USH2A: variants seen among roughly 807,000 people sequenced by gnomAD.
USH2A encodes usherin, also known as Usher syndrome 2A (autosomal recessive, mild).
In USH2A, 443 loss-of-function variants were observed where a neutral mutation model predicts 538.9. The ratio of observed to expected loss-of-function variants is 0.82; its 90% confidence interval spans 0.76 to 0.89. USH2A has a LOEUF of 0.89. USH2A is among the 40% of genes least tolerant of loss of function. USH2A has a pLI of 0.00. For synonymous variants in USH2A, 2,413 were observed against 2,273.5 expected, an observed-to-expected ratio of 1.06 and a Z score of -1.75; for missense variants, 6,633 against 6,324.8, an observed-to-expected ratio of 1.05 and a Z score of -1.65.
intron 69 of USH2A, among the ~76,000 whole-genome samples, chr1:215,635,291 A>G (rs1196756354): frequency 2.6e-5 from 4 of 152,194 alleles, no homozygotes; most frequent in Admixed American, 2.6e-4. Context: ...CCTCTCTGTT[A>G]AAGAGCAAAG....
chr1:215,745,461 C>T (rs960638316), intron 58 of USH2A, among the ~76,000 whole-genome samples: 15 of 152,222 alleles, frequency 9.9e-5, no homozygotes, highest in Admixed American at 8.5e-4. Context: ...CCAGGCAACA[C>T]GCATTATCCC....
At chr1:215,688,389 A>C (rs972725110) in intron 61 of USH2A, among the ~76,000 whole-genome samples, 18 of 152,144 alleles carry the variant, frequency 1.2e-4, no homozygotes, top group African/African-American at 3.9e-4. Flanking sequence ...ATTTCAGTGG[A>C]AAACTATCGA....
chr1:215,788,617 T>C (rs1476896945), intron 51 of USH2A, among the ~76,000 whole-genome samples: 3 of 152,068 alleles, frequency 2.0e-5, no homozygotes, highest in South Asian at 2.1e-4. Context: ...TTCATTGTCA[T>C]GAAATTTTAG....
At chr1:216,026,187 C>A (rs1668960154) in intron 32 of USH2A, among the ~76,000 whole-genome samples, 1 of 152,082 alleles carries the variant, frequency 6.6e-6, no homozygotes, top group South Asian at 2.1e-4. Flanking sequence ...TTGTTTAGGT[C>A]GTGTGCCATT....
intron 43 of USH2A, among the ~76,000 whole-genome samples, chr1:215,870,600 G>A (rs942179316): frequency 6.6e-6 from 1 of 151,768 alleles, no homozygotes; most frequent in African/African-American, 2.4e-5. Flanking sequence ...CCTGGCCGAG[G>A]AAACAAGATC....
At chr1:216,327,525 CTTA>C in intron 5 of USH2A, 63 bp downstream of exon 5, 10 of 1,558,798 alleles carry the variant, frequency 6.4e-6, no homozygotes, top group Non-Finnish European at 8.0e-6. Context: ...ACATAGTATT[CTTA>C]TTTAAGTGAA....
rs961496688 is a variant in USH2A at position 216,217,686 on chromosome 1, TAAAC to T, written c.2994-140_2994-137del. ...AATATATTGAAAAGAATGCTTGAGC[TAAAC>T]AAACAAAGAATCAACATAAAATAAA... On this transcript the variant is annotated intron_variant, in intron 14 of 71. Coordinates refer to ENST00000307340, the MANE Select transcript of USH2A (RefSeq NM_206933.4). 2.8e-5 allele frequency: 28 copies of T among 997,902 alleles called. 1 individual carries two copies. The South Asian group carries it at 3.2e-4, about 11-fold the overall frequency. The allele number at this position is 997,902 out of a possible 1,614,324, so 61.8% of individuals were successfully genotyped here.
chr1:216,033,134 T>C (rs548768106), intron 32 of USH2A, among the ~76,000 whole-genome samples: 1 of 152,278 alleles, frequency 6.6e-6, no homozygotes, highest in South Asian at 2.1e-4. Flanking sequence ...AGTCATGTGT[T>C]AAATAAGACA....
chr1:216,097,154 G>T lies in USH2A; in HGVS notation c.4687C>A (p.Pro1563Thr). The T allele has an allele frequency of 6.2e-7, 1 of 1,614,134 alleles. No individual in the cohort carries two copies. Among genetic ancestry groups the T allele is most frequent in the Non-Finnish European group, 8.5e-7 (1 of 1,180,008 alleles). ...PEGLIVFAASPGNQEEYFALQ... is the reference protein window; with the variant it reads ...PEGLIVFAASTGNQEEYFALQ... ...GCAAAATACTCTTCCTGATTGCCAG[G>T]TGATGCTGCAAAGACAATCAAACCT... Residue 1563 changes from proline to threonine, a missense_variant, in exon 22 of 72, where the codon CCT becomes ACT. Coordinates refer to ENST00000307340, the MANE Select transcript of USH2A (RefSeq NM_206933.4).
intron 3 of USH2A, among the ~76,000 whole-genome samples, chr1:216,412,882 G>C (rs185098005): frequency 1.3e-5 from 2 of 152,012 alleles, no homozygotes; most frequent in Non-Finnish European, 1.5e-5. Context: ...CTGTCATGGA[G>C]ATAATATAAG....
intron 41 of USH2A, among the ~76,000 whole-genome samples, chr1:215,881,301 C>T (rs1034401948): frequency 2.0e-5 from 3 of 152,070 alleles, no homozygotes; most frequent in African/African-American, 7.2e-5. Flanking sequence ...CTACCACACC[C>T]GGCTAATTTT....
chr1:215,950,989 T>G (rs1666898732), intron 37 of USH2A, among the ~76,000 whole-genome samples: 1 of 152,208 alleles, frequency 6.6e-6, no homozygotes, highest in Non-Finnish European at 1.5e-5. Flanking sequence ...TTTGTTGATC[T>G]TTTCAAGACA....
chr1:216,174,577 A>T, intron 21 of USH2A: 1 of 981,246 alleles, frequency 1.0e-6, no homozygotes, highest in Non-Finnish European at 1.2e-6. Flanking sequence ...AAAATATTGC[A>T]TTAAAATTTA....
At chr1:215,808,923 C>G (rs181043351) in intron 49 of USH2A, among the ~76,000 whole-genome samples, 1 of 151,892 alleles carries the variant, frequency 6.6e-6, no homozygotes, top group Non-Finnish European at 1.5e-5. Context: ...TATCCAGGAC[C>G]GGATCAAGAC....
intron 11 of USH2A, among the ~76,000 whole-genome samples, chr1:216,276,115 T>A (rs1442119833): frequency 6.6e-6 from 1 of 152,080 alleles, no homozygotes; most frequent in Non-Finnish European, 1.5e-5. Flanking sequence ...ATTGGAGGAG[T>A]TATTTAATTT....
chr1:216,298,846 T>C (rs2037156991), intron 9 of USH2A, among the ~76,000 whole-genome samples: 1 of 58,676 alleles, frequency 1.7e-5, no homozygotes, highest in African/African-American at 1.4e-4. Flanking sequence ...GAGAATACTT[T>C]TTTTTTTTTT....
At chr1:215,650,991 A>G (rs1201586614) in intron 64 of USH2A, among the ~76,000 whole-genome samples, 190 bp from the exon 65 acceptor site, 1 of 151,870 alleles carries the variant, frequency 6.6e-6, no homozygotes, top group East Asian at 1.9e-4. Context: ...TTCCTTTTTT[A>G]TTTTTATTTT....
chr1:215,958,276 GAT>G (rs1667117442), intron 37 of USH2A, among the ~76,000 whole-genome samples: 1 of 152,030 alleles, frequency 6.6e-6, no homozygotes, highest in East Asian at 1.9e-4. Context: ...GGTTTTTCAA[GAT>G]TTTTTAGAGA....
chr1:216,379,415 T>C (rs2038892660), intron 3 of USH2A, among the ~76,000 whole-genome samples: 1 of 152,126 alleles, frequency 6.6e-6, no homozygotes, highest in Admixed American at 6.6e-5. Flanking sequence ...CAGCTGCTAA[T>C]GTCTAATCAG....
Sources: gnomAD v4.1 joint callset for allele counts (sites outside exome capture counted in the v4.1 genomes callset) on GRCh38, gnomAD v4.1.1 for gene constraint, MANE v1.5 for transcripts, NCBI Gene and HGNC (gene_info 2026-07-23, HGNC 2026-07-21) for gene names.